Variants in IFT80 observed in about 807,000 individuals in gnomAD.
IFT80 encodes intraflagellar transport 80, also known as intraflagellar transport protein 80 homolog.
In IFT80, 79 loss-of-function variants were observed where a neutral mutation model predicts 107.9. That is an observed-to-expected ratio of 0.73 (90% CI 0.61 to 0.88). The LOEUF (loss-of-function observed/expected upper bound fraction) is 0.88, where lower values mean the gene tolerates loss of function less well. IFT80 is among the 40% of genes least tolerant of loss of function. IFT80 has a pLI of 0.00. For synonymous variants in IFT80, 299 were observed against 300.9 expected, an observed-to-expected ratio of 0.99 and a Z score of 0.07; for missense variants, 797 against 914.2, an observed-to-expected ratio of 0.87 and a Z score of 1.65.
intron 12 of IFT80, among the ~76,000 whole-genome samples, chr3:160,286,420 G>A (rs967598830): frequency 2.6e-5 from 4 of 152,190 alleles, no homozygotes; most frequent in Non-Finnish European, 4.4e-5. Flanking sequence ...TTTTTAGAAC[G>A]GGTAGTAAAT....
intron 19 of IFT80, among the ~76,000 whole-genome samples, chr3:160,268,044 T>C (rs1713481456): frequency 6.6e-6 from 1 of 152,218 alleles, no homozygotes; most frequent in African/African-American, 2.4e-5. Flanking sequence ...TTCTGGTCAG[T>C]GCCCTCTGTG....
At position 160,258,340 on chromosome 3, in the gene IFT80, AAGAT is replaced by A. The variant is rs1407587684; in HGVS notation, c.*181_*184del. On this transcript the variant is annotated 3_prime_UTR_variant, in exon 20 of 20. Coordinates refer to ENST00000326448, the MANE Select transcript of IFT80 (RefSeq NM_020800.3). ...CTAATTATTGGACTAAAAAATATAA[AAGAT>A]AGAAATACATCAATTACTTTGTGTT... 2.3e-5 allele frequency: 17 copies of A among 731,082 alleles called. No individual in the cohort carries two copies. Among genetic ancestry groups the A allele is most frequent in the Admixed American group, 2.0e-4 (7 of 35,604 alleles). The allele number at this position is 731,082 out of a possible 1,614,324, so 45.3% of individuals were successfully genotyped here. A position where few individuals can be genotyped will look rare whatever the true frequency, so the allele number is the denominator to read the frequency against.
At chr3:160,346,292 T>C (rs1720287958) in intron 8 of IFT80, among the ~76,000 whole-genome samples, 1 of 152,226 alleles carries the variant, frequency 6.6e-6, no homozygotes, top group Admixed American at 6.5e-5. Flanking sequence ...TGTAAGGTGA[T>C]AGATATGTTA....
At chr3:160,364,418 T>A (rs1469169915) in intron 6 of IFT80, among the ~76,000 whole-genome samples, 1 of 152,130 alleles carries the variant, frequency 6.6e-6, no homozygotes, top group Non-Finnish European at 1.5e-5. Flanking sequence ...TGTAAACTAG[T>A]TCAACCACTG....
At chr3:160,311,867 TC>T (rs1257481736) in intron 9 of IFT80, among the ~76,000 whole-genome samples, 1 of 152,150 alleles carries the variant, frequency 6.6e-6, no homozygotes, top group Non-Finnish European at 1.5e-5. Context: ...AACCTCCGCC[TC>T]CCAGGTTCAA....
At chr3:160,281,022 T>C (rs1379789536) in intron 14 of IFT80, among the ~76,000 whole-genome samples, 1 of 152,194 alleles carries the variant, frequency 6.6e-6, no homozygotes, top group African/African-American at 2.4e-5. Flanking sequence ...AACCCTTATA[T>C]TTTTAATCTG....
At chr3:160,330,695 C>A (rs1421277700) in intron 8 of IFT80, among the ~76,000 whole-genome samples, 1 of 152,070 alleles carries the variant, frequency 6.6e-6, no homozygotes, top group African/African-American at 2.4e-5. Context: ...CCTGAAGCTA[C>A]TGGGCCAATG....
chr3:160,361,238 T>C (rs1721467826), intron 6 of IFT80, among the ~76,000 whole-genome samples: 3 of 151,978 alleles, frequency 2.0e-5, no homozygotes, highest in Admixed American at 2.0e-4. Flanking sequence ...TAGTCTCTGT[T>C]AAACAGACTT....
intron 9 of IFT80, among the ~76,000 whole-genome samples, chr3:160,312,676 TAATA>T (rs1717396262): frequency 1.8e-5 from 1 of 54,618 alleles, no homozygotes; most frequent in Non-Finnish European, 3.1e-5. Context: ...ATAATATATA[TAATA>T]AATATATATT....
In IFT80 at chr3:160,258,376, T is replaced by G. The variant is rs541008994; in HGVS notation, c.*149A>C. 2.2e-6 allele frequency: 2 copies of G among 926,480 alleles called. No homozygotes were observed. Among genetic ancestry groups the G allele is most frequent in the East Asian group, 5.3e-5 (2 of 37,968 alleles). 57.4% of individuals were successfully genotyped at this position (926,480 alleles called of 1,614,324 possible). On this transcript the variant is annotated 3_prime_UTR_variant, in exon 20 of 20. Transcript: ENST00000326448. ...ACATCAATTACTTTGTGTTTCATCT[T>G]TCTGCATGTACTTTTACACTAAATA... is the stretch of plus-strand genomic sequence containing the variant.
At chr3:160,269,967 GA>G (rs1169585248) in intron 18 of IFT80, among the ~76,000 whole-genome samples, 1 of 152,016 alleles carries the variant, frequency 6.6e-6, no homozygotes, top group African/African-American at 2.4e-5. Flanking sequence ...TCTTCACTAG[GA>G]AAATCTGGTT....
intron 18 of IFT80, among the ~76,000 whole-genome samples, chr3:160,271,200 C>T (rs1194225394): frequency 1.3e-5 from 2 of 152,132 alleles, no homozygotes; most frequent in East Asian, 1.9e-4. Context: ...TTCTTCTCCA[C>T]ATTTAGGAGG....
chr3:160,353,060 G>T lies in IFT80; in HGVS notation c.777+2953C>A, dbSNP rs552246664. On this transcript the variant is annotated intron_variant, in intron 8 of 19. Transcript: ENST00000326448. Reference sequence around the variant, plus strand: ...ATCAGTGACTCACCATTGCCCATAAGATAAACTCCAAACTATTGTGGCCAT... The same window carrying T: ...ATCAGTGACTCACCATTGCCCATAATATAAACTCCAAACTATTGTGGCCAT... Among the ~76,000 whole-genome samples, 16 of 152,212 alleles carry T rather than the reference G, an allele frequency of 1.1e-4. No individual in the cohort carries two copies. The South Asian group carries it at 2.7e-3, about 26-fold the overall frequency.
At chr3:160,335,955 A>G (rs935306139) in intron 8 of IFT80, among the ~76,000 whole-genome samples, 16 of 152,150 alleles carry the variant, frequency 1.1e-4, no homozygotes, top group African/African-American at 3.6e-4. Context: ...GTTTGTTTTC[A>G]GGGTTCATCC....
intron 5 of IFT80, among the ~76,000 whole-genome samples, chr3:160,372,060 G>A (rs1030708647): frequency 4.6e-5 from 7 of 152,098 alleles, no homozygotes; most frequent in African/African-American, 1.7e-4. Context: ...GTATCTTCTG[G>A]ATTAGAAGAG....
chr3:160,317,273 G>C lies in IFT80; in HGVS notation c.957+2487C>G, dbSNP rs544998028. On this transcript the variant is annotated intron_variant, in intron 9 of 19. Coordinates refer to ENST00000326448, the MANE Select transcript of IFT80 (RefSeq NM_020800.3). ...TGCAGTCAAATGTTTTATAATCATG[G>C]AGAAAGTAAAACCTCTTTAAAAAAA... 7.9e-5 allele frequency among the ~76,000 whole-genome samples: 12 copies of C among 152,050 alleles called. No individual in the cohort carries two copies. The South Asian group carries it at 2.5e-3, about 32-fold the overall frequency.
chr3:160,267,256 A>G (rs1482679350), intron 19 of IFT80, among the ~76,000 whole-genome samples: 1 of 152,162 alleles, frequency 6.6e-6, no homozygotes, highest in East Asian at 1.9e-4. Context: ...TGTTGGCTTT[A>G]ATAGAAATTG....
chr3:160,298,250 G>A (rs1260159946), intron 12 of IFT80, among the ~76,000 whole-genome samples: 3 of 152,064 alleles, frequency 2.0e-5, no homozygotes, highest in East Asian at 1.9e-4. Flanking sequence ...AGTTAAATAC[G>A]TTGGGTACTT....
chr3:160,313,043 A>T (rs1484969582), intron 9 of IFT80, among the ~76,000 whole-genome samples: 1 of 95,142 alleles, frequency 1.1e-5, no homozygotes, highest in Non-Finnish European at 2.0e-5. Context: ...TAAATATATA[A>T]TATATAATAA....
Sources: gnomAD v4.1 joint callset for allele counts (sites outside exome capture counted in the v4.1 genomes callset) on GRCh38, gnomAD v4.1.1 for gene constraint, MANE v1.5 for transcripts, NCBI Gene and HGNC (gene_info 2026-07-23, HGNC 2026-07-21) for gene names.